ANO1: variants seen among roughly 807,000 people sequenced by gnomAD.
The protein encoded by ANO1 is anoctamin-1.
Under a neutral mutation model 124.0 loss-of-function variants are expected in ANO1, and 59 were observed. That is an observed-to-expected ratio of 0.48 (90% CI 0.39 to 0.59). The LOEUF is 0.59. ANO1 is among the 20% of genes least tolerant of loss of function. ANO1 has a pLI of 0.00. For missense variants in ANO1, 1,059 were observed against 1,328.0 expected, an observed-to-expected ratio of 0.80 and a Z score of 3.15; for synonymous variants, 529 against 532.0, an observed-to-expected ratio of 0.99 and a Z score of 0.08.
chr11:70,107,722 A>G (rs1431720140), intron 5 of ANO1, among the ~76,000 whole-genome samples: 2 of 152,168 alleles, frequency 1.3e-5, no homozygotes, highest in Non-Finnish European at 2.9e-5. Context: ...GGTTCCAGGC[A>G]GACAGACTCC....
In ANO1 at chr11:70,095,390, G is replaced by GAA. The variant is rs1171272641; in HGVS notation, c.441+7308_441+7309dup. Among the ~76,000 whole-genome samples the GAA allele has an allele frequency of 1.8e-3, 66 of 37,374 alleles. 2 individuals are homozygous for GAA. The highest frequency in any genetic ancestry group is 4.3e-3 in the African/African-American group (59 of 13,654). 24.5% of individuals were successfully genotyped at this position (37,374 alleles called of 152,430 possible). On this transcript the variant is annotated intron_variant, in intron 2 of 25. Transcript: ENST00000355303. ...AGAAAGAAAGAAAGAAAGAAAGAAA[G>GAA]AAAGAAAGAAAGAAAGAAAGAAAGA...
chr11:70,182,535 C>A lies in ANO1; in HGVS notation c.2437C>A (p.Pro813Thr). 1.2e-6 allele frequency: 2 copies of A among 1,604,364 alleles called. No homozygotes were observed. Among genetic ancestry groups the A allele is most frequent in the South Asian group, 1.1e-5 (1 of 89,644 alleles). The change falls in exon 24 of 26, where the codon CCG becomes ACG. Residue 813 changes from proline to threonine, a missense_variant. Physicochemically the swap from Pro to Thr is conservative, Grantham distance 38 (BLOSUM62 -1). This residue lies in a region of ANO1 where 809 missense variants were observed against 1,094.9 expected (regional missense o/e 0.74). Coordinates refer to ENST00000355303, the MANE Select transcript of ANO1 (RefSeq NM_018043.7). ...GATCTCCTTCACGTCTGACTTCATC[C>A]CGCGCCTGGTGTACCTCTACATGTA... ...FVISFTSDFI[P>T]RLVYLYMYSK...
rs370632365 is a variant in ANO1 at position 70,100,861 on chromosome 11, G to A, written c.442-2205G>A. Among the ~76,000 whole-genome samples, 149 of 152,300 alleles carry A rather than the reference G, an allele frequency of 9.8e-4. 2 individuals carry two copies. The South Asian group carries it at 0.018, about 18-fold the overall frequency. ...TACTATTACTGTATTATTGCCCTTC[G>A]TTCGTTCATTCCATAAATATGTGCA... On this transcript the variant is annotated intron_variant, in intron 2 of 25. Transcript: ENST00000355303.
intron 1 of ANO1, among the ~76,000 whole-genome samples, chr11:70,015,486 C>G (rs577533689): frequency 1.8e-4 from 28 of 152,274 alleles, no homozygotes; most frequent in Admixed American, 9.2e-4. Context: ...GGCAGCCCAG[C>G]CCTGGGCGGG....
intron 1 of ANO1, among the ~76,000 whole-genome samples, chr11:70,023,410 CG>C (rs1856839612): frequency 6.6e-6 from 1 of 152,172 alleles, no homozygotes; most frequent in African/African-American, 2.4e-5. Context: ...GTTCATGGCA[CG>C]TCTTGTCAGA....
At chr11:70,185,810 A>G in intron 25 of ANO1, 115 bp downstream of exon 25, 1 of 1,113,196 alleles carries the variant, frequency 9.0e-7, no homozygotes, top group Non-Finnish European at 1.3e-6. Context: ...AGACTCCTCC[A>G]GAGGCTTGGA....
chr11:70,154,922 G>A lies in ANO1; in HGVS notation c.1426-989G>A, dbSNP rs1210372243. Among the ~76,000 whole-genome samples, 8 of 152,180 alleles carry A rather than the reference G, an allele frequency of 5.3e-5. No homozygotes were observed. In the East Asian group the frequency reaches 7.7e-4, roughly 15 times the overall value. On this transcript the variant is annotated intron_variant, in intron 14 of 25. Coordinates refer to ENST00000355303, the MANE Select transcript of ANO1 (RefSeq NM_018043.7). ...CCGGGTGCCAGCTGCCCTCTGCCCC[G>A]GCCCTTCAGGCCCTCTGCGCCCCTC...
At chr11:69,976,934 C>T in the ANO1 span, among the ~76,000 whole-genome samples, 3 of 152,212 alleles carry the variant, frequency 2.0e-5, no homozygotes, top group Non-Finnish European at 2.9e-5. Context: ...GTTCATCCCC[C>T]CGGGAGATGG....
At chr11:70,113,689 G>C (rs138963720) in intron 7 of ANO1, among the ~76,000 whole-genome samples, 1 of 152,024 alleles carries the variant, frequency 6.6e-6, no homozygotes, top group African/African-American at 2.4e-5. Flanking sequence ...AAATGTTTCC[G>C]GCCCTCCCTG....
intron 1 of ANO1, among the ~76,000 whole-genome samples, chr11:70,013,317 C>T (rs562863154): frequency 6.6e-6 from 1 of 152,290 alleles, no homozygotes; most frequent in Admixed American, 6.5e-5. Context: ...CAAATTTGGA[C>T]TTGATCTTAA....
chr11:70,102,677 T>G (rs2045324173), intron 2 of ANO1, among the ~76,000 whole-genome samples: 1 of 152,182 alleles, frequency 6.6e-6, no homozygotes, highest in African/African-American at 2.4e-5. Context: ...TGATTCCAGG[T>G]GGAGGCCGAG....
At chr11:70,176,896 G>A (rs1279878107) in intron 22 of ANO1, among the ~76,000 whole-genome samples, 1 of 152,168 alleles carries the variant, frequency 6.6e-6, no homozygotes, top group South Asian at 2.1e-4. Context: ...CCCCAGGAGA[G>A]GCGGATCCCG....
At chr11:70,016,386 A>G (rs1395875026) in intron 1 of ANO1, 1 of 152,250 alleles carries the variant, frequency 6.6e-6, no homozygotes, top group Non-Finnish European at 1.5e-5. Context: ...AGAATGCGTG[A>G]TGGGAGTGAA....
intron 7 of ANO1, among the ~76,000 whole-genome samples, chr11:70,114,083 G>A (rs921433579): frequency 6.6e-6 from 1 of 152,218 alleles, no homozygotes; most frequent in Non-Finnish European, 1.5e-5. Flanking sequence ...CAGAGAGCCA[G>A]CCTCACAAGA....
chr11:70,128,943 C>T (rs2046634279), intron 10 of ANO1, among the ~76,000 whole-genome samples: 1 of 152,232 alleles, frequency 6.6e-6, no homozygotes. Flanking sequence ...TCCCCAGTCC[C>T]ACCACTGTGG....
At chr11:70,176,790 G>A (rs1194810847) in intron 22 of ANO1, among the ~76,000 whole-genome samples, 2 of 152,150 alleles carry the variant, frequency 1.3e-5, no homozygotes, top group African/African-American at 4.8e-5. Context: ...TGGTTCGGGG[G>A]ACCCTTAGAA....
At chr11:69,992,258 T>TGGATGAG in intron 1 of ANO1, among the ~76,000 whole-genome samples, 1 of 139,342 alleles carries the variant, frequency 7.2e-6, no homozygotes, top group Non-Finnish European at 1.6e-5. Context: ...GGATGGATGA[T>TGGATGAG]GGATAAATGG....
intron 2 of ANO1, among the ~76,000 whole-genome samples, chr11:70,099,073 G>T (rs1219644065): frequency 6.6e-6 from 1 of 152,088 alleles, no homozygotes. Context: ...CCATGGTCTG[G>T]CCAGATGGGG....
chr11:70,066,690 G>A (rs114396827), intron 1 of ANO1, among the ~76,000 whole-genome samples: 80 of 152,310 alleles, frequency 5.3e-4, no homozygotes, highest in African/African-American at 1.8e-3. Context: ...CAGCAGAGAC[G>A]TCTGGTCTCC....
Sources: gnomAD v4.1 joint callset for allele counts (sites outside exome capture counted in the v4.1 genomes callset) on GRCh38, gnomAD v4.1.1 for gene constraint, gnomAD v4.1.1 regional missense constraint, MANE v1.5 for transcripts, NCBI Gene and HGNC (gene_info 2026-07-23, HGNC 2026-07-21) for gene names.